ARHGAP20: variants seen among roughly 807,000 people sequenced by gnomAD.
ARHGAP20 encodes the protein Rho GTPase activating protein 20.
ARHGAP20 carries 34 observed loss-of-function variants against 73.7 expected under a neutral mutation model. The observed-to-expected ratio is 0.46, with a 90% CI of 0.35 to 0.61. ARHGAP20 has a LOEUF of 0.61. Ranked by LOEUF, ARHGAP20 falls within the 20% of genes least tolerant of loss-of-function variation. The pLI, the probability that ARHGAP20 is intolerant of heterozygous loss-of-function variation, is 0.00. For synonymous variants in ARHGAP20, 523 were observed against 518.2 expected (o/e 1.01, Z -0.13); for missense variants, 1,314 against 1,420.9 (o/e 0.92, Z 1.21).
intron 2 of ARHGAP20, among the ~76,000 whole-genome samples, chr11:110,649,116 T>C (rs1949291903): frequency 6.6e-6 from 1 of 151,952 alleles, no homozygotes; most frequent in Non-Finnish European, 1.5e-5. Context: ...AAGACAAGTC[T>C]TAAAATAAAA....
intron 9 of ARHGAP20, among the ~76,000 whole-genome samples, chr11:110,602,405 A>C (rs1488025817): frequency 1.3e-5 from 2 of 152,258 alleles, no homozygotes; most frequent in Non-Finnish European, 2.9e-5. Context: ...TCAATGGTTA[A>C]CAGACCAATG....
chr11:110,660,829 A>G (rs1248102760), intron 2 of ARHGAP20, among the ~76,000 whole-genome samples: 1 of 151,980 alleles, frequency 6.6e-6, no homozygotes, highest in Non-Finnish European at 1.5e-5. Flanking sequence ...CAAATACGAG[A>G]AAAAAATTGG....
intron 2 of ARHGAP20, among the ~76,000 whole-genome samples, chr11:110,660,515 CT>C (rs1213065746): frequency 1.3e-5 from 2 of 152,062 alleles, no homozygotes; most frequent in Non-Finnish European, 2.9e-5. Context: ...GCAGGTCAAC[CT>C]TTTTATTCAT....
chr11:110,636,697 C>T, intron 2 of ARHGAP20, among the ~76,000 whole-genome samples: 1 of 151,950 alleles, frequency 6.6e-6, no homozygotes, highest in East Asian at 1.9e-4. Flanking sequence ...AACATCTCAG[C>T]ACTCACATAA....
chr11:110,620,814 G>A (rs146261785), intron 4 of ARHGAP20, among the ~76,000 whole-genome samples: 110 of 152,116 alleles, frequency 7.2e-4, no homozygotes, highest in African/African-American at 2.5e-3. Context: ...GCTCATGTCC[G>A]TAATCCCAGC....
At chr11:110,655,104 A>C (rs7938432) in intron 2 of ARHGAP20, among the ~76,000 whole-genome samples, 3,873 of 152,302 alleles carry the variant, frequency 0.025, 146 homozygotes, top group African/African-American at 0.081. Flanking sequence ...GAAGCTAAGT[A>C]GTCAGCTTTC....
chr11:110,708,201 A>C (rs12796103), intron 1 of ARHGAP20, among the ~76,000 whole-genome samples: 22,760 of 152,124 alleles, frequency 0.15, 1,804 homozygotes, highest in South Asian at 0.29. Context: ...AAACCATTAG[A>C]TACCACTTTA....
intron 2 of ARHGAP20, among the ~76,000 whole-genome samples, chr11:110,660,555 G>C (rs1287139758): frequency 6.6e-6 from 1 of 152,098 alleles, no homozygotes; most frequent in Non-Finnish European, 1.5e-5. Flanking sequence ...TGGGAGCACA[G>C]AGCCAATTTT....
rs140030531 is a variant in ARHGAP20 at position 110,637,611 on chromosome 11, G to A, written c.189-6819C>T. 3.5e-4 allele frequency among the ~76,000 whole-genome samples: 53 copies of A among 152,148 alleles called. 2 individuals carry two copies. The East Asian group carries it at 9.5e-3, about 27-fold the overall frequency. On this transcript the variant is annotated intron_variant, in intron 2 of 14. Coordinates refer to ENST00000683387, the MANE Select transcript of ARHGAP20 (RefSeq NM_001384657.1). ...ATAGTGATAAGGGCTGTCTTTGCTG[G>A]GTACCAGCCATGTGCCAGGCATAGG... is the stretch of plus-strand genomic sequence containing the variant.
Position 110,712,174 on chromosome 11 carries a change from A to G in ARHGAP20, c.58T>C (p.Ser20Pro). ...GCGAGCCGAGACACTCCTGTCAGGGAAGAGGAGCGCCCCGGCTGTCCCCCT... is the reference window on the plus strand; with the variant it reads ...GCGAGCCGAGACACTCCTGTCAGGGGAGAGGAGCGCCCCGGCTGTCCCCCT... ...TLGGQPGRSS[S>P]LTGVSRLAGG... Residue 20 changes from serine (S) to proline (P), a missense_variant, in exon 1 of 15, where the codon TCC becomes CCC. Physicochemically the swap from Ser to Pro is moderately conservative, Grantham distance 74. Transcript: ENST00000683387. 1.5e-6 allele frequency: 2 copies of G among 1,369,110 alleles called. No individual in the cohort carries two copies. Among genetic ancestry groups the G allele is most frequent in the South Asian group, 2.2e-5 (1 of 45,354 alleles). The allele number at this position is 1,369,110 out of a possible 1,614,324, so 84.8% of individuals were successfully genotyped here. A position where few individuals can be genotyped will look rare whatever the true frequency, so the allele number is the denominator to read the frequency against.
intron 1 of ARHGAP20, among the ~76,000 whole-genome samples, chr11:110,710,637 G>A (rs894453797): frequency 6.6e-6 from 1 of 152,182 alleles, no homozygotes; most frequent in Non-Finnish European, 1.5e-5. Context: ...AAGGGGAAAA[G>A]CGACAAGGAC....
chr11:110,656,716 G>T (rs1035439086), intron 2 of ARHGAP20, among the ~76,000 whole-genome samples: 11 of 152,166 alleles, frequency 7.2e-5, no homozygotes, highest in African/African-American at 2.7e-4. Context: ...ATCAACTTTT[G>T]CATGCTCAGC....
chr11:110,650,060 T>C (rs914213193), intron 2 of ARHGAP20, among the ~76,000 whole-genome samples: 1 of 152,168 alleles, frequency 6.6e-6, no homozygotes, highest in Non-Finnish European at 1.5e-5. Context: ...AGTATCTGAC[T>C]CATAATGGGT....
intron 2 of ARHGAP20, among the ~76,000 whole-genome samples, chr11:110,648,175 AT>A (rs1949244639): frequency 1.8e-5 from 1 of 54,388 alleles, no homozygotes; most frequent in Non-Finnish European, 4.3e-5. Flanking sequence ...ATATGTAAAT[AT>A]ATATATATAT....
At chr11:110,595,812 C>A (rs1454603746) in intron 9 of ARHGAP20, among the ~76,000 whole-genome samples, 3 of 151,566 alleles carry the variant, frequency 2.0e-5, no homozygotes, top group Admixed American at 6.6e-5. Flanking sequence ...TCATATGGAA[C>A]CAAAAAAGAG....
In ARHGAP20 at chr11:110,614,449, A is replaced by G; in HGVS notation, c.630+112T>C. ...TGGTATTTCTAAATGCCTACCTTCC[A>G]TAGCACATACACAGTTAGCCTGCCT... On this transcript the variant is annotated intron_variant, in intron 6 of 14. Coordinates refer to ENST00000683387, the MANE Select transcript of ARHGAP20 (RefSeq NM_001384657.1). The G allele has an allele frequency of 1.1e-5, 10 of 889,008 alleles. No individual in the cohort carries two copies. In the South Asian group the frequency reaches 1.5e-4, roughly 13 times the overall value. The allele number at this position is 889,008 out of a possible 1,614,324, so 55.1% of individuals were successfully genotyped here. A position where few individuals can be genotyped will look rare whatever the true frequency, so the allele number is the denominator to read the frequency against.
At chr11:110,640,348 T>C (rs576089224) in intron 2 of ARHGAP20, among the ~76,000 whole-genome samples, 17 of 152,122 alleles carry the variant, frequency 1.1e-4, no homozygotes, top group African/African-American at 4.1e-4. Flanking sequence ...AGTTCTAGCA[T>C]CTGTTTTACC....
Position 110,712,173 on chromosome 11 carries a change from G to C in ARHGAP20, c.59C>G (p.Ser20Cys). 7.3e-7 allele frequency: 1 copy of C among 1,369,556 alleles called. No homozygotes were observed. The highest frequency in any genetic ancestry group is 9.5e-7 in the Non-Finnish European group (1 of 1,055,632). The allele number at this position is 1,369,556 out of a possible 1,614,324, so 84.8% of individuals were successfully genotyped here. A position where few individuals can be genotyped will look rare whatever the true frequency, so the allele number is the denominator to read the frequency against. Reference sequence around the variant, plus strand: ...CGCGAGCCGAGACACTCCTGTCAGGGAAGAGGAGCGCCCCGGCTGTCCCCC... The same window carrying C: ...CGCGAGCCGAGACACTCCTGTCAGGCAAGAGGAGCGCCCCGGCTGTCCCCC... ...TLGGQPGRSS[S>C]LTGVSRLAGG... Residue 20 changes from serine to cysteine, a missense_variant, in exon 1 of 15, where the codon TCC becomes TGC. Physicochemically the swap from Ser to Cys is moderately radical, Grantham distance 112. Around this residue, in one of 3 missense-constraint regions of ARHGAP20, gnomAD observed 443 missense variants for 466.4 expected, o/e 0.95. Coordinates refer to ENST00000683387, the MANE Select transcript of ARHGAP20 (RefSeq NM_001384657.1).
At chr11:110,690,743 G>T in intron 1 of ARHGAP20, 114 bp from the exon 2 acceptor site, 1 of 1,030,236 alleles carries the variant, frequency 9.7e-7, no homozygotes, top group Non-Finnish European at 1.5e-6. Flanking sequence ...TGTCTGTCAA[G>T]GAGCCTACAG....
Sources: allele counts gnomAD v4.1 joint callset (sites outside exome capture counted in the v4.1 genomes callset), GRCh38; gene constraint gnomAD v4.1.1; regional missense constraint gnomAD v4.1.1; transcripts MANE v1.5; gene names NCBI Gene and HGNC (gene_info 2026-07-23, HGNC 2026-07-21).